METTL9: variants seen among roughly 807,000 people sequenced by gnomAD.
METTL9 encodes protein-L-histidine N-pros-methyltransferase.
In METTL9, 10 loss-of-function variants were observed where a neutral mutation model predicts 36.0. The observed-to-expected ratio is 0.28, with a 90% CI of 0.17 to 0.47. The LOEUF (loss-of-function observed/expected upper bound fraction) is 0.47, where lower values mean the gene tolerates loss of function less well. METTL9 is among the 20% of genes least tolerant of loss of function. The probability of loss-of-function intolerance (pLI) is 0.99; values close to 1 mark genes in which losing one functional copy is unlikely to be tolerated. For synonymous variants in METTL9, 175 were observed against 149.7 expected, an observed-to-expected ratio of 1.17 and a Z score of -1.23; for missense variants, 246 against 383.5, an observed-to-expected ratio of 0.64 and a Z score of 3.00.
Position 21,599,636 on chromosome 16 carries a change from T to G in METTL9, c.-98T>G. ...GGATGGGCAAGGCGGCCGCGATGGC[T>G]CGAGCTCGGGCGGTGGCGGCGGTGG... On this transcript the variant is annotated 5_prime_UTR_variant, in exon 1 of 5. Coordinates refer to ENST00000358154, the MANE Select transcript of METTL9 (RefSeq NM_016025.5). The surrounding 1 kb of genome is among the most constrained non-coding windows in gnomAD (Gnocchi z 4.4). The G allele has an allele frequency of 7.5e-7, 1 of 1,338,932 alleles. No individual in the cohort carries two copies. Among genetic ancestry groups the G allele is most frequent in the Non-Finnish European group, 9.5e-7 (1 of 1,054,036 alleles). 82.9% of individuals were successfully genotyped at this position (1,338,932 alleles called of 1,614,324 possible).
intron 4 of METTL9, chr16:21,644,350 A>G (rs1328128720): frequency 2.5e-6 from 4 of 1,614,102 alleles, no homozygotes; most frequent in Non-Finnish European, 3.4e-6. Context: ...GCAGTGATAC[A>G]AGAGCTGTCA....
chr16:21,638,191 G>A lies in METTL9; in HGVS notation c.751+13076G>A, dbSNP rs181248873. ...AAATTAGCCAGGCATGGTGGCAGAT[G>A]CCTATAATCCCAGCTACTCAGGAGG... On this transcript the variant is annotated intron_variant, in intron 4 of 4. Transcript: ENST00000358154. Among the ~76,000 whole-genome samples the A allele has an allele frequency of 2.0e-5, 3 of 152,250 alleles. No individual in the cohort carries two copies. In the East Asian group the frequency reaches 5.8e-4, roughly 29 times the overall value.
chr16:21,619,426 CCT>C (rs1965636638), intron 3 of METTL9, among the ~76,000 whole-genome samples: 1 of 6,786 alleles, frequency 1.5e-4, no homozygotes, highest in South Asian at 0.013. Context: ...GGAAGAAGGG[CCT>C]TTTTTTTTTT....
intron 3 of METTL9, among the ~76,000 whole-genome samples, chr16:21,623,418 A>T (rs1163909386): frequency 6.6e-6 from 1 of 152,188 alleles, no homozygotes. Flanking sequence ...GAGCTATCTT[A>T]CTGTATCTGC....
chr16:21,655,526 TGGG>T lies in METTL9; in HGVS notation c.*96_*98del. On this transcript the variant is annotated 3_prime_UTR_variant, in exon 5 of 5. Coordinates refer to ENST00000358154, the MANE Select transcript of METTL9 (RefSeq NM_016025.5). Reference sequence around the variant, plus strand: ...CACAATTACGTGAAGGGAGGACCCTTGGGGACCGCCATTCTAAATATCATGTAG... The same window carrying T: ...CACAATTACGTGAAGGGAGGACCCTTGACCGCCATTCTAAATATCATGTAG... The T allele has an allele frequency of 9.7e-7, 1 of 1,027,130 alleles. No individual in the cohort carries two copies. The allele number at this position is 1,027,130 out of a possible 1,614,324, so 63.6% of individuals were successfully genotyped here. A position where few individuals can be genotyped will look rare whatever the true frequency, so the allele number is the denominator to read the frequency against.
Position 21,656,045 on chromosome 16 carries a change from A to AT in METTL9, c.*614dup, listed in dbSNP as rs1354437989. The AT allele has an allele frequency of 6.6e-6, 1 of 151,598 alleles. No individual in the cohort carries two copies. Among genetic ancestry groups the AT allele is most frequent in the East Asian group, 1.9e-4 (1 of 5,182 alleles). 9.4% of individuals were successfully genotyped at this position (151,598 alleles called of 1,614,324 possible). On this transcript the variant is annotated 3_prime_UTR_variant, in exon 5 of 5. Coordinates refer to ENST00000358154, the MANE Select transcript of METTL9 (RefSeq NM_016025.5). Reference sequence around the variant, plus strand: ...TATGAGAATGACGCAGACAATTTGAATAGGGGGGAAGGAAGGCTTCAGACT... The same window carrying AT: ...TATGAGAATGACGCAGACAATTTGAATTAGGGGGGAAGGAAGGCTTCAGACT...
chr16:21,601,841 G>T (rs1048386791), intron 1 of METTL9, among the ~76,000 whole-genome samples: 1 of 151,830 alleles, frequency 6.6e-6, no homozygotes, highest in Non-Finnish European at 1.5e-5. Context: ...TTTGGGGGAT[G>T]GGTCAACTCT....
chr16:21,649,682 T>A (rs1246767717), intron 4 of METTL9, among the ~76,000 whole-genome samples: 1 of 152,176 alleles, frequency 6.6e-6, no homozygotes, highest in African/African-American at 2.4e-5. Context: ...AAATTATTTT[T>A]AAAAAGTGGA....
intron 3 of METTL9, among the ~76,000 whole-genome samples, chr16:21,618,876 G>T (rs112222163): frequency 0.017 from 2,641 of 152,100 alleles, 63 homozygotes; most frequent in African/African-American, 0.06. Flanking sequence ...ACCATGCCTG[G>T]CTAATTTTTT....
chr16:21,645,946 TAA>T (rs1966414006), intron 4 of METTL9, among the ~76,000 whole-genome samples: 1 of 152,208 alleles, frequency 6.6e-6, no homozygotes, highest in Non-Finnish European at 1.5e-5. Context: ...CCTCGTAGTT[TAA>T]AAGCACAGGT....
intron 1 of METTL9, among the ~76,000 whole-genome samples, chr16:21,610,971 G>C (rs1433161072): frequency 6.6e-6 from 1 of 152,146 alleles, no homozygotes; most frequent in East Asian, 1.9e-4. Flanking sequence ...TTTATGACCT[G>C]CACTGGAGCA....
intron 4 of METTL9, among the ~76,000 whole-genome samples, chr16:21,626,564 G>A (rs1409365590): frequency 6.6e-6 from 1 of 152,178 alleles, no homozygotes; most frequent in Non-Finnish European, 1.5e-5. Flanking sequence ...AGAGAGAACA[G>A]ATCTCCCCTT....
chr16:21,655,051 T>TG (rs1317672595), intron 4 of METTL9, 176 bp from the exon 5 acceptor site: 12 of 619,698 alleles, frequency 1.9e-5, no homozygotes, highest in Non-Finnish European at 2.9e-6. Context: ...CTTCTGAGTC[T>TG]GTTCTTTATC....
chr16:21,635,196 C>G (rs1966058218), intron 4 of METTL9, among the ~76,000 whole-genome samples: 1 of 152,130 alleles, frequency 6.6e-6, no homozygotes, highest in Admixed American at 6.5e-5. Context: ...CTGAAAACTT[C>G]CCCAGGTCTG....
At chr16:21,600,073 C>T (rs1322982574) in intron 1 of METTL9, among the ~76,000 whole-genome samples, 175 bp downstream of exon 1, 1 of 151,834 alleles carries the variant, frequency 6.6e-6, no homozygotes, top group Admixed American at 6.6e-5. Context: ...CTCCGCGAGC[C>T]CCGGGCACCC....
chr16:21,635,124 C>T (rs1966056106), intron 4 of METTL9, among the ~76,000 whole-genome samples: 2 of 152,154 alleles, frequency 1.3e-5, no homozygotes, highest in Non-Finnish European at 2.9e-5. Flanking sequence ...TGACATCTCT[C>T]CAAGCGAGGT....
At chr16:21,617,113 G>C (rs1965571413) in intron 2 of METTL9, among the ~76,000 whole-genome samples, 1 of 152,064 alleles carries the variant, frequency 6.6e-6, no homozygotes, top group Admixed American at 6.6e-5. Context: ...TCTAATCATA[G>C]AAATGACATA....
intron 4 of METTL9, 194 bp from the exon 5 acceptor site, chr16:21,655,033 C>A: frequency 1.7e-6 from 1 of 600,156 alleles, no homozygotes; most frequent in Non-Finnish European, 3.0e-6. Flanking sequence ...TGGGCAAGTT[C>A]TTCACCCCTT....
At chr16:21,598,138 CAA>C (rs1964993771), upstream of METTL9, 1 of 152,212 alleles carries the variant, frequency 6.6e-6, no homozygotes. Context: ...ATCACGAGGT[CAA>C]GAGATGGAGA....
Sources: gnomAD v4.1 joint callset for allele counts (sites outside exome capture counted in the v4.1 genomes callset) on GRCh38, gnomAD v4.1.1 for gene constraint, Gnocchi (gnomAD v3.1) non-coding constraint, MANE v1.5 for transcripts, NCBI Gene and HGNC (gene_info 2026-07-23, HGNC 2026-07-21) for gene names.